Variants in CACNB4 observed in about 807,000 individuals in gnomAD.
CACNB4 encodes the protein voltage-dependent L-type calcium channel subunit beta-4.
In CACNB4, 32 loss-of-function variants were observed where a neutral mutation model predicts 71.2. That is an observed-to-expected ratio of 0.45 (90% CI 0.34 to 0.60). The LOEUF is 0.60. Among genes scored for constraint, CACNB4 ranks in the 20% least tolerant of loss-of-function variants. CACNB4 has a pLI of 0.01. For synonymous variants in CACNB4, 231 were observed against 236.9 expected, an observed-to-expected ratio of 0.97 and a Z score of 0.23; for missense variants, 464 against 647.9, an observed-to-expected ratio of 0.72 and a Z score of 3.08.
Position 151,853,496 on chromosome 2 carries a change from G to C in CACNB4, c.1068C>G (p.His356Gln). ...CAGCTGCCACCAGTTGAACATTCAA[G>C]TGTTTACTTTGTGACTTTCCTCTAG... is the stretch of plus-strand genomic sequence containing the variant. Reference protein sequence around the residue: ...IKSRGKSQSKHLNVQLVAADK... With the variant: ...IKSRGKSQSKQLNVQLVAADK... The change falls in exon 12 of 14, where the codon CAC (histidine) becomes CAG (glutamine). Residue 356 changes from histidine to glutamine, a missense_variant. Coordinates refer to ENST00000539935, the MANE Select transcript of CACNB4 (RefSeq NM_000726.5). The C allele has an allele frequency of 6.2e-7, 1 of 1,601,092 alleles. No homozygotes were observed. The highest frequency in any genetic ancestry group is 2.3e-5 in the East Asian group (1 of 44,434).
intron 2 of CACNB4, among the ~76,000 whole-genome samples, chr2:151,982,100 T>A (rs1258014300): frequency 6.6e-6 from 1 of 152,182 alleles, no homozygotes; most frequent in East Asian, 1.9e-4. Context: ...TGCTGAACTT[T>A]GACCTCTCTA....
chr2:151,980,422 C>T (rs754514825), intron 2 of CACNB4, among the ~76,000 whole-genome samples: 1 of 152,180 alleles, frequency 6.6e-6, no homozygotes, highest in Non-Finnish European at 1.5e-5. Context: ...GAGCCCCTTG[C>T]CTAGAGCCCC....
At chr2:151,888,811 G>T (rs1406034193) in intron 2 of CACNB4, among the ~76,000 whole-genome samples, 1 of 152,104 alleles carries the variant, frequency 6.6e-6, no homozygotes, top group Non-Finnish European at 1.5e-5. Flanking sequence ...GGATAGATTT[G>T]GGAATCAATA....
intron 2 of CACNB4, among the ~76,000 whole-genome samples, chr2:151,916,714 T>C (rs1406151387): frequency 6.6e-6 from 1 of 152,218 alleles, no homozygotes; most frequent in Non-Finnish European, 1.5e-5. Context: ...CAGACTACTA[T>C]TCTGGTGCAA....
chr2:151,988,735 G>C (rs1267452224), intron 2 of CACNB4, among the ~76,000 whole-genome samples: 2 of 152,018 alleles, frequency 1.3e-5, no homozygotes, highest in Non-Finnish European at 2.9e-5. Context: ...TCTTCTATAA[G>C]GACACTAATC....
intron 2 of CACNB4, among the ~76,000 whole-genome samples, chr2:152,083,130 C>T (rs941438213): frequency 1.3e-5 from 2 of 152,152 alleles, no homozygotes; most frequent in Admixed American, 6.5e-5. Context: ...TAGCCAACTG[C>T]TGCCTTAAGA....
intron 10 of CACNB4, 123 bp downstream of exon 10, chr2:151,860,588 T>A (rs1038734575): frequency 1.4e-6 from 1 of 715,168 alleles, no homozygotes. Flanking sequence ...GCATTCTTTT[T>A]AGGTACTCAG....
At chr2:151,897,046 T>C (rs2099852266) in intron 2 of CACNB4, among the ~76,000 whole-genome samples, 1 of 152,136 alleles carries the variant, frequency 6.6e-6, no homozygotes, top group South Asian at 2.1e-4. Context: ...GTTGAAGACA[T>C]TAAAAAAAGA....
chr2:152,060,564 A>C (rs568511367), intron 2 of CACNB4, among the ~76,000 whole-genome samples: 1 of 152,342 alleles, frequency 6.6e-6, no homozygotes, highest in South Asian at 2.1e-4. Context: ...TCCACAACTC[A>C]TGTCAAGGGG....
chr2:152,098,257 C>G lies in CACNB4; in HGVS notation c.147+73G>C, dbSNP rs2105501844. On this transcript the variant is annotated intron_variant, in intron 2 of 13. Transcript: ENST00000539935. This position sits in a 1 kb window ranked among gnomAD's most constrained non-coding sequence, Gnocchi z 5.3. ...CCGCAGCTCCCGCACGTGTGGGCCA[C>G]GGCCGGCTCCAGGACCCCCGCGCCG... is the stretch of plus-strand genomic sequence containing the variant. 8.1e-7 allele frequency: 1 copy of G among 1,241,556 alleles called. No individual in the cohort carries two copies. The highest frequency in any genetic ancestry group is 2.3e-5 in the East Asian group (1 of 42,886). The allele number at this position is 1,241,556 out of a possible 1,614,324, so 76.9% of individuals were successfully genotyped here.
intron 2 of CACNB4, among the ~76,000 whole-genome samples, chr2:151,933,148 A>C (rs2099862041): frequency 6.6e-6 from 1 of 150,828 alleles, no homozygotes; most frequent in African/African-American, 2.4e-5. Context: ...GCTGGTGCAA[A>C]AGTAATTGTG....
At chr2:152,022,037 A>G (rs1683696986) in intron 2 of CACNB4, among the ~76,000 whole-genome samples, 1 of 152,224 alleles carries the variant, frequency 6.6e-6, no homozygotes, top group Admixed American at 6.5e-5. Flanking sequence ...GCACATTTAC[A>G]GATAAGTTCC....
chr2:151,973,694 A>T (rs1489395940), intron 2 of CACNB4: 1 of 1,613,612 alleles, frequency 6.2e-7, no homozygotes, highest in African/African-American at 1.3e-5. Flanking sequence ...AATTCCATGC[A>T]GGTACAAATT....
intron 2 of CACNB4, among the ~76,000 whole-genome samples, chr2:151,919,470 C>A (rs1056026975): frequency 6.6e-6 from 1 of 152,182 alleles, no homozygotes; most frequent in Non-Finnish European, 1.5e-5. Flanking sequence ...ACAGCCATCA[C>A]CAGCCATGCT....
chr2:151,888,633 G>C (rs986950270), intron 2 of CACNB4, among the ~76,000 whole-genome samples: 1 of 152,154 alleles, frequency 6.6e-6, no homozygotes, highest in Non-Finnish European at 1.5e-5. Context: ...TGGAAGTGCT[G>C]GGCTTCCTAG....
Position 152,098,531 on chromosome 2 carries a change from G to A in CACNB4, c.64-118C>T, listed in dbSNP as rs1204446561. ...CGCTCCCTGGGGTCCCCTAGAGCCCGCACCCAAGTCTCCTCCGCGACTCCC... is the reference window on the plus strand; with the variant it reads ...CGCTCCCTGGGGTCCCCTAGAGCCCACACCCAAGTCTCCTCCGCGACTCCC... On this transcript the variant is annotated intron_variant, in intron 1 of 13. Coordinates refer to ENST00000539935, the MANE Select transcript of CACNB4 (RefSeq NM_000726.5). The surrounding 1 kb of genome is among the most constrained non-coding windows in gnomAD (Gnocchi z 5.3). The A allele has an allele frequency of 5.2e-6, 7 of 1,351,602 alleles. No homozygotes were observed. Among genetic ancestry groups the A allele is most frequent in the East Asian group, 2.3e-5 (1 of 42,638 alleles). 83.7% of individuals were successfully genotyped at this position (1,351,602 alleles called of 1,614,324 possible).
intron 2 of CACNB4, among the ~76,000 whole-genome samples, chr2:151,985,675 C>CTT (rs11329675): frequency 0.015 from 2,119 of 142,114 alleles, 35 homozygotes; most frequent in Middle Eastern, 0.033. Flanking sequence ...CCTTAATTTT[C>CTT]TTTTTTTTTT....
chr2:151,993,002 T>C (rs1039691875), intron 2 of CACNB4, among the ~76,000 whole-genome samples: 2 of 152,214 alleles, frequency 1.3e-5, no homozygotes, highest in African/African-American at 4.8e-5. Context: ...CTGGTAATTA[T>C]TGTCTTCCTC....
intron 2 of CACNB4, among the ~76,000 whole-genome samples, chr2:152,032,392 T>A (rs1684335512): frequency 6.6e-6 from 1 of 152,222 alleles, no homozygotes; most frequent in Admixed American, 6.5e-5. Context: ...CCCATGGAAA[T>A]GAACAAGTAA....
Sources: gnomAD v4.1 joint callset for allele counts (sites outside exome capture counted in the v4.1 genomes callset) on GRCh38, gnomAD v4.1.1 for gene constraint, Gnocchi (gnomAD v3.1) non-coding constraint, MANE v1.5 for transcripts, NCBI Gene and HGNC (gene_info 2026-07-23, HGNC 2026-07-21) for gene names.